P2RX4: variants seen among roughly 807,000 people sequenced by gnomAD.
The protein encoded by P2RX4 is P2X purinoceptor 4.
A neutral mutation model predicts 48.0 loss-of-function variants in P2RX4; 37 were observed. That is an observed-to-expected ratio of 0.77 (90% CI 0.59 to 1.01). The LOEUF is 1.01. Ranked by LOEUF, P2RX4 falls within the 50% of genes least tolerant of loss-of-function variation. The pLI is 0.00. For synonymous variants in P2RX4, 200 were observed against 199.7 expected (o/e 1.00, Z -0.01); for missense variants, 501 against 521.4 (o/e 0.96, Z 0.38).
chr12:121,231,934 G>A (rs1225767658), intron 8 of P2RX4, among the ~76,000 whole-genome samples: 1 of 151,128 alleles, frequency 6.6e-6, no homozygotes, highest in Non-Finnish European at 1.5e-5. Context: ...GAACTGGGGA[G>A]GTGGAGGTTG....
chr12:121,231,665 G>A (rs192502372), intron 8 of P2RX4, among the ~76,000 whole-genome samples: 19 of 152,210 alleles, frequency 1.2e-4, no homozygotes, highest in Non-Finnish European at 2.4e-4. Flanking sequence ...GACAGACGAC[G>A]TTTTGTTCAT....
rs34995184 is a variant in P2RX4 at position 121,232,004 on chromosome 12, CA to C, written c.885-391del. 6.1e-4 allele frequency among the ~76,000 whole-genome samples: 58 copies of C among 94,430 alleles called. No homozygotes were observed. The highest frequency in any genetic ancestry group is 8.6e-4 in the African/African-American group (20 of 23,282). 61.9% of individuals were successfully genotyped at this position (94,430 alleles called of 152,430 possible). A position where few individuals can be genotyped will look rare whatever the true frequency, so the allele number is the denominator to read the frequency against. ...CTGGCAACAGAGGGAGACTCCATCT[CA>C]AAAAAAAAAAAAAAAAAAGTCCCTG... On this transcript the variant is annotated intron_variant, in intron 8 of 11. Transcript: ENST00000337233. The surrounding 1 kb of genome is among the most constrained non-coding windows in gnomAD (Gnocchi z 4.3).
chr12:121,222,887 A>T, intron 4 of P2RX4, 60 bp from the exon 5 acceptor site: 1 of 1,456,998 alleles, frequency 6.9e-7, no homozygotes, highest in Non-Finnish European at 9.5e-7. Context: ...TACTCCAAAA[A>T]GGTAGAAAAT....
intron 1 of P2RX4, chr12:121,214,285 G>A (rs908947861): frequency 2.6e-5 from 4 of 151,950 alleles, no homozygotes; most frequent in Non-Finnish European, 2.9e-5. Context: ...TCACTATCTC[G>A]GTCATGAGAA....
intron 1 of P2RX4, chr12:121,215,100 TAAC>T (rs759319781): frequency 6.6e-6 from 1 of 152,142 alleles, no homozygotes; most frequent in Non-Finnish European, 1.5e-5. Context: ...ATTCTATAAA[TAAC>T]AACACTGATA....
chr12:121,229,325 G>T lies in P2RX4; in HGVS notation c.884+226G>T, dbSNP rs552078816. On this transcript the variant is annotated intron_variant, in intron 8 of 11. Transcript: ENST00000337233. This position sits in a 1 kb window ranked among gnomAD's most constrained non-coding sequence, Gnocchi z 4.6. ...AGACCCCTCCTTGCCCTTTCCTGCC[G>T]CAAGAAACATGTTGAGATGGTTCTT... is the stretch of plus-strand genomic sequence containing the variant. Among the ~76,000 whole-genome samples, 1 of 152,036 alleles carries T rather than the reference G, an allele frequency of 6.6e-6. No individual in the cohort carries two copies. Among genetic ancestry groups the T allele is most frequent in the Non-Finnish European group, 1.5e-5 (1 of 67,998 alleles).
chr12:121,224,496 G>C (rs1886852410), intron 5 of P2RX4, among the ~76,000 whole-genome samples: 1 of 152,012 alleles, frequency 6.6e-6, no homozygotes, highest in African/African-American at 2.4e-5. Flanking sequence ...CAGCTACTTG[G>C]GAGGCTGAGG....
At position 121,232,259 on chromosome 12, in the gene P2RX4, C is replaced by G. The variant is rs1887412692; in HGVS notation, c.885-155C>G. ...GCCCCGCATCCTCCTGCTTGCACAG[C>G]CCGCCTCAGCCAGGAGAGGCCCCGA... On this transcript the variant is annotated intron_variant, in intron 8 of 11. Coordinates refer to ENST00000337233, the MANE Select transcript of P2RX4 (RefSeq NM_002560.3). The surrounding 1 kb of genome is among the most constrained non-coding windows in gnomAD (Gnocchi z 4.3). 1 of 625,388 alleles carries G rather than the reference C, an allele frequency of 1.6e-6. No individual in the cohort carries two copies. The highest frequency in any genetic ancestry group is 2.6e-5 in the Admixed American group (1 of 37,824). The allele number at this position is 625,388 out of a possible 1,614,324, so 38.7% of individuals were successfully genotyped here.
At chr12:121,218,421 T>C (rs989740406) in intron 2 of P2RX4, among the ~76,000 whole-genome samples, 2 of 151,140 alleles carry the variant, frequency 1.3e-5, no homozygotes, top group Admixed American at 6.6e-5. Context: ...GAGGCGGAGG[T>C]TGTAGTGAGC....
In P2RX4 at chr12:121,223,813, G is replaced by A. The variant is rs149823723; in HGVS notation, c.524+770G>A. Among the ~76,000 whole-genome samples, 59 of 152,296 alleles carry A rather than the reference G, an allele frequency of 3.9e-4. 2 individuals are homozygous for A. The East Asian group carries it at 0.011, about 29-fold the overall frequency. On this transcript the variant is annotated intron_variant, in intron 5 of 11. Transcript: ENST00000337233. ...AAGAATCTCTTGAACCTGGGAGGAG[G>A]AGGTTGCTGAGCTGAGATGGTGCCA...
intron 5 of P2RX4, among the ~76,000 whole-genome samples, chr12:121,224,076 C>T (rs1886826537): frequency 6.6e-6 from 1 of 152,124 alleles, no homozygotes; most frequent in African/African-American, 2.4e-5. Context: ...TATCAATGGC[C>T]ATATCTCTCA....
intron 2 of P2RX4, among the ~76,000 whole-genome samples, chr12:121,218,552 T>A (rs1886373834): frequency 6.6e-6 from 1 of 152,154 alleles, no homozygotes; most frequent in African/African-American, 2.4e-5. Context: ...AGCATGTACC[T>A]GTCTCAGCAG....
chr12:121,212,814 A>ATT (rs1187859501), intron 1 of P2RX4: 3 of 31,474 alleles, frequency 9.5e-5, no homozygotes, highest in African/African-American at 4.2e-4. Flanking sequence ...ATATATATAT[A>ATT]TATATATATA....
intron 2 of P2RX4, among the ~76,000 whole-genome samples, chr12:121,219,447 C>T (rs1342439733): frequency 6.6e-6 from 1 of 151,992 alleles, no homozygotes; most frequent in East Asian, 1.9e-4. Flanking sequence ...ATGCCTGGGC[C>T]CAGCCAGGCG....
intron 1 of P2RX4, chr12:121,214,702 G>A (rs1033339221): frequency 4.6e-5 from 7 of 152,236 alleles, no homozygotes; most frequent in Non-Finnish European, 8.8e-5. Context: ...AAGCCCATGG[G>A]GGGAAAGCCC....
chr12:121,211,562 G>A (rs1768964473), intron 1 of P2RX4, among the ~76,000 whole-genome samples: 2 of 152,202 alleles, frequency 1.3e-5, no homozygotes, highest in South Asian at 4.1e-4. Context: ...CACTTTAAAG[G>A]CTTACCTGGG....
intron 8 of P2RX4, among the ~76,000 whole-genome samples, chr12:121,230,452 G>C (rs1370163324): frequency 6.6e-6 from 1 of 152,254 alleles, no homozygotes; most frequent in Non-Finnish European, 1.5e-5. Flanking sequence ...GGCTGCACTT[G>C]CCTCCCCCTA....
chr12:121,222,878 A>T (rs1886730411), intron 4 of P2RX4, 69 bp from the exon 5 acceptor site: 1 of 1,425,062 alleles, frequency 7.0e-7, no homozygotes, highest in Non-Finnish European at 9.8e-7. Context: ...CTCACTCCCT[A>T]CTCCAAAAAG....
At chr12:121,218,725 C>T (rs999277558) in intron 2 of P2RX4, among the ~76,000 whole-genome samples, 4 of 152,118 alleles carry the variant, frequency 2.6e-5, no homozygotes, top group Admixed American at 6.6e-5. Flanking sequence ...TGGATCTGGG[C>T]GGGGGCCGTG....
Sources: allele counts gnomAD v4.1 joint callset (sites outside exome capture counted in the v4.1 genomes callset), GRCh38; gene constraint gnomAD v4.1.1; non-coding constraint Gnocchi (gnomAD v3.1); transcripts MANE v1.5; gene names NCBI Gene and HGNC (gene_info 2026-07-23, HGNC 2026-07-21).